PTPRN2: variants seen among roughly 807,000 people sequenced by gnomAD.
PTPRN2 encodes protein tyrosine phosphatase receptor type N2.
Under a neutral mutation model 118.8 loss-of-function variants are expected in PTPRN2, and 74 were observed. The observed-to-expected ratio is 0.62, with a 90% CI of 0.52 to 0.76. PTPRN2 has a LOEUF of 0.76. Ranked by LOEUF, PTPRN2 falls within the 30% of genes least tolerant of loss-of-function variation. The probability of loss-of-function intolerance (pLI) is 0.00; values close to 1 mark genes in which losing one functional copy is unlikely to be tolerated. For synonymous variants in PTPRN2, 641 were observed against 608.0 expected (o/e 1.05, Z -0.80); for missense variants, 1,481 against 1,394.4 (o/e 1.06, Z -0.99).
intron 12 of PTPRN2, among the ~76,000 whole-genome samples, chr7:157,803,045 A>G (rs1204783568): frequency 6.6e-6 from 1 of 151,984 alleles, no homozygotes; most frequent in African/African-American, 2.4e-5. Context: ...GCTCACTGCA[A>G]CCTCCACCTC....
At chr7:158,217,013 TTAAAA>T (rs1462668036) in intron 3 of PTPRN2, among the ~76,000 whole-genome samples, 10 of 152,210 alleles carry the variant, frequency 6.6e-5, no homozygotes, top group Non-Finnish European at 1.5e-4. Context: ...TTACATGTAA[TTAAAA>T]TAAAAGCACA....
intron 3 of PTPRN2, among the ~76,000 whole-genome samples, chr7:158,287,600 G>A (rs1250203235): frequency 1.3e-5 from 2 of 151,900 alleles, no homozygotes; most frequent in Non-Finnish European, 2.9e-5. Flanking sequence ...GAAGCATGTT[G>A]TTCAATTTCC....
intron 1 of PTPRN2, 45 bp from the exon 2 acceptor site, chr7:158,489,830 G>A: frequency 6.5e-7 from 1 of 1,529,134 alleles, no homozygotes; most frequent in Non-Finnish European, 8.8e-7. Flanking sequence ...GAGGGGAGGA[G>A]GGGGGTGCCC....
At chr7:157,878,388 G>C in intron 12 of PTPRN2, among the ~76,000 whole-genome samples, 1 of 141,858 alleles carries the variant, frequency 7.0e-6, no homozygotes, top group East Asian at 2.2e-4. Flanking sequence ...AGAAGCTCTC[G>C]GATTCCGTGG....
At chr7:158,127,201 G>A (rs1015739651) in intron 9 of PTPRN2, among the ~76,000 whole-genome samples, 4 of 152,108 alleles carry the variant, frequency 2.6e-5, no homozygotes, top group Admixed American at 6.5e-5. Flanking sequence ...GCTTCCCCTC[G>A]TGGAAATCCA....
intron 2 of PTPRN2, among the ~76,000 whole-genome samples, chr7:158,397,874 G>A (rs980720016): frequency 6.6e-6 from 1 of 151,760 alleles, no homozygotes; most frequent in African/African-American, 2.4e-5. Flanking sequence ...AGGGTGCCAC[G>A]GCCTGACAGT....
chr7:157,855,121 G>T (rs568486548), intron 12 of PTPRN2, among the ~76,000 whole-genome samples: 32 of 139,790 alleles, frequency 2.3e-4, no homozygotes, highest in African/African-American at 7.9e-4. Context: ...GATCGGGGAG[G>T]ATGGCTGCAC....
chr7:158,155,395 A>C (rs1047446023), intron 6 of PTPRN2, among the ~76,000 whole-genome samples: 1 of 151,926 alleles, frequency 6.6e-6, no homozygotes, highest in Non-Finnish European at 1.5e-5. Flanking sequence ...GAAGGTACAC[A>C]GTTAGCCACA....
chr7:157,950,746 A>G (rs1800759723), intron 11 of PTPRN2, among the ~76,000 whole-genome samples: 1 of 152,126 alleles, frequency 6.6e-6, no homozygotes, highest in African/African-American at 2.4e-5. Context: ...CGTGGAGTGA[A>G]AGCGCCTTCT....
At chr7:158,411,004 TTGG>T (rs1814032720) in intron 2 of PTPRN2, among the ~76,000 whole-genome samples, 1 of 130,396 alleles carries the variant, frequency 7.7e-6, no homozygotes. Flanking sequence ...GGAAATTCAC[TTGG>T]TGGTGTCAGG....
intron 3 of PTPRN2, among the ~76,000 whole-genome samples, chr7:158,268,878 T>C (rs1424257305): frequency 7.4e-6 from 1 of 135,438 alleles, no homozygotes. Flanking sequence ...GTGTGAAATA[T>C]CCCAGCCGCA....
chr7:157,947,954 C>T (rs1585068462), intron 11 of PTPRN2, among the ~76,000 whole-genome samples: 1 of 152,172 alleles, frequency 6.6e-6, no homozygotes, highest in Admixed American at 6.5e-5. Context: ...CTGTATCAGG[C>T]AAAACTATCC....
intron 2 of PTPRN2, among the ~76,000 whole-genome samples, chr7:158,474,473 G>A (rs1820091253): frequency 6.6e-6 from 1 of 152,234 alleles, no homozygotes; most frequent in Non-Finnish European, 1.5e-5. Context: ...TTTGATAAAT[G>A]GGAAAGTCAA....
At chr7:158,238,072 G>A (rs1375395303) in intron 3 of PTPRN2, among the ~76,000 whole-genome samples, 4 of 152,188 alleles carry the variant, frequency 2.6e-5, no homozygotes, top group Non-Finnish European at 4.4e-5. Context: ...CCACAGTGCA[G>A]CCGCGGCCTC....
At chr7:158,326,871 G>T (rs1261594763) in intron 2 of PTPRN2, among the ~76,000 whole-genome samples, 1 of 144,870 alleles carries the variant, frequency 6.9e-6, no homozygotes, top group Non-Finnish European at 1.5e-5. Context: ...ATTCTCGCAT[G>T]CACACGTTCT....
At chr7:157,738,277 C>T (rs759274015) in intron 12 of PTPRN2, among the ~76,000 whole-genome samples, 1 of 152,136 alleles carries the variant, frequency 6.6e-6, no homozygotes, top group Non-Finnish European at 1.5e-5. Flanking sequence ...CTGAATTCGA[C>T]ATCTCTCCCA....
chr7:158,329,157 C>T (rs1166095630), intron 2 of PTPRN2, among the ~76,000 whole-genome samples: 4 of 152,188 alleles, frequency 2.6e-5, no homozygotes, highest in South Asian at 4.1e-4. Context: ...GGGTGTGAGC[C>T]GGCAGTACTG....
intron 12 of PTPRN2, among the ~76,000 whole-genome samples, chr7:157,866,411 CATAT>C (rs907731448): frequency 2.0e-5 from 3 of 152,104 alleles, no homozygotes; most frequent in Non-Finnish European, 4.4e-5. Flanking sequence ...CACATACATA[CATAT>C]GCATGAGCAC....
At chr7:158,127,578 C>T (rs1817804260) in intron 9 of PTPRN2, among the ~76,000 whole-genome samples, 1 of 152,246 alleles carries the variant, frequency 6.6e-6, no homozygotes, top group Non-Finnish European at 1.5e-5. Context: ...ACTCAAGCCT[C>T]TGCCTCAGCT....
Sources: allele counts gnomAD v4.1 joint callset (sites outside exome capture counted in the v4.1 genomes callset), GRCh38; gene constraint gnomAD v4.1.1; transcripts MANE v1.5; gene names NCBI Gene and HGNC (gene_info 2026-07-23, HGNC 2026-07-21).